Variants in ABCC4 observed in about 807,000 individuals in gnomAD.
The protein encoded by ABCC4 is ATP binding cassette subfamily C member 4 (PEL blood group).
A neutral mutation model predicts 168.5 loss-of-function variants in ABCC4; 102 were observed. That is an observed-to-expected ratio of 0.61 (90% CI 0.52 to 0.71). The LOEUF is 0.71. ABCC4 is among the 30% of genes least tolerant of loss of function. ABCC4 has a pLI of 0.00. For missense variants in ABCC4, 1,402 were observed against 1,605.8 expected, an observed-to-expected ratio of 0.87 and a Z score of 2.17; for synonymous variants, 617 against 590.7, an observed-to-expected ratio of 1.04 and a Z score of -0.65.
chr13:95,093,132 A>G (rs2034488301), intron 20 of ABCC4, among the ~76,000 whole-genome samples: 1 of 152,192 alleles, frequency 6.6e-6, no homozygotes, highest in African/African-American at 2.4e-5. Context: ...AATTGGTACC[A>G]ATCCTTTGGA....
chr13:95,147,481 C>T (rs1169200548), intron 19 of ABCC4, among the ~76,000 whole-genome samples: 4 of 152,062 alleles, frequency 2.6e-5, no homozygotes, highest in African/African-American at 9.7e-5. Context: ...AAAGATTGCC[C>T]AGAATTAACT....
At chr13:95,090,727 C>T (rs149198418) in intron 20 of ABCC4, among the ~76,000 whole-genome samples, 7 of 152,074 alleles carry the variant, frequency 4.6e-5, no homozygotes, top group African/African-American at 1.7e-4. Flanking sequence ...AGGCTCTTTA[C>T]CAGCCTCACA....
rs1050314332 is a variant in ABCC4, at chr13:95,243,648, A to C, written c.306+3327T>G. On this transcript the variant is annotated intron_variant, in intron 3 of 30. Transcript: ENST00000645237. ...ACACCTGTAATCCCATTAATTTGGGAGGGCGAGGTGGGCCGATGGCTTGAG... is the reference window on the plus strand; with the variant it reads ...ACACCTGTAATCCCATTAATTTGGGCGGGCGAGGTGGGCCGATGGCTTGAG... Among the ~76,000 whole-genome samples, 8 of 152,258 alleles carry C rather than the reference A, an allele frequency of 5.3e-5. No individual in the cohort carries two copies. The South Asian group carries it at 1.7e-3, about 32-fold the overall frequency.
intron 19 of ABCC4, among the ~76,000 whole-genome samples, chr13:95,154,504 C>A (rs528739649): frequency 6.6e-6 from 1 of 152,106 alleles, no homozygotes; most frequent in Admixed American, 6.5e-5. Flanking sequence ...GGAAACATAG[C>A]GAGTGATTTG....
chr13:95,050,082 G>A (rs1273755458), intron 27 of ABCC4, among the ~76,000 whole-genome samples: 1 of 152,226 alleles, frequency 6.6e-6, no homozygotes, highest in Non-Finnish European at 1.5e-5. Flanking sequence ...ACAGCAGAGA[G>A]ACAGAATGTG....
chr13:95,202,644 C>CTTTTT lies in ABCC4; in HGVS notation c.1161+3883_1161+3887dup, dbSNP rs10603210. On this transcript the variant is annotated intron_variant, in intron 8 of 30. Transcript: ENST00000645237. Reference sequence around the variant, plus strand: ...GTGCATGTGGGGATAAGAATGTGCACTTTTTTTTTTTTTTTTTTTTTTTGA... The same window carrying CTTTTT: ...GTGCATGTGGGGATAAGAATGTGCACTTTTTTTTTTTTTTTTTTTTTTTTTTTTGA... Among the ~76,000 whole-genome samples the CTTTTT allele has an allele frequency of 4.1e-3, 385 of 93,054 alleles. 19 individuals carry two copies. Among genetic ancestry groups the CTTTTT allele is most frequent in the Non-Finnish European group, 6.3e-3 (304 of 47,954 alleles). 61.0% of individuals were successfully genotyped at this position (93,054 alleles called of 152,430 possible). A position where few individuals can be genotyped will look rare whatever the true frequency, so the allele number is the denominator to read the frequency against.
intron 19 of ABCC4, among the ~76,000 whole-genome samples, chr13:95,136,491 G>A (rs2036149016): frequency 6.6e-6 from 1 of 152,186 alleles, no homozygotes; most frequent in East Asian, 1.9e-4. Context: ...GAAGCATCTG[G>A]GTAACTTTGG....
intron 19 of ABCC4, among the ~76,000 whole-genome samples, chr13:95,152,269 T>G (rs2036712558): frequency 6.6e-6 from 1 of 152,226 alleles, no homozygotes; most frequent in South Asian, 2.1e-4. Context: ...GAGTTAAATT[T>G]AATATAAGTA....
At chr13:95,211,489 C>T (rs2038955259) in intron 4 of ABCC4, among the ~76,000 whole-genome samples, 1 of 152,034 alleles carries the variant, frequency 6.6e-6, no homozygotes, top group Admixed American at 6.6e-5. Context: ...GCAGGGGAGG[C>T]CTAGCTAGGA....
At chr13:95,061,896 T>C (rs1734820713) in intron 26 of ABCC4, among the ~76,000 whole-genome samples, 1 of 152,152 alleles carries the variant, frequency 6.6e-6, no homozygotes, top group South Asian at 2.1e-4. Flanking sequence ...TTTCTGAATT[T>C]ATGTTAAATA....
chr13:95,194,314 GGCTGCCACCAAAGCAGCT>G (rs2038349356), intron 9 of ABCC4, among the ~76,000 whole-genome samples: 1 of 152,176 alleles, frequency 6.6e-6, no homozygotes, highest in Admixed American at 6.5e-5. Context: ...CTCGGCCTTG[GGCTGCCACCAAAGCAGCT>G]GGCAACATCC....
chr13:95,234,514 G>A, intron 4 of ABCC4, 96 bp downstream of exon 4: 4 of 1,003,608 alleles, frequency 4.0e-6, no homozygotes, highest in Non-Finnish European at 6.0e-6. Flanking sequence ...CTGGAGTGCA[G>A]TGGCTATTTA....
At chr13:95,261,547 G>T (rs2040532033) in intron 1 of ABCC4, among the ~76,000 whole-genome samples, 1 of 152,008 alleles carries the variant, frequency 6.6e-6, no homozygotes. Context: ...TAAATTCATT[G>T]TCATTAAAAC....
chr13:95,263,545 G>A (rs369810046), intron 1 of ABCC4, among the ~76,000 whole-genome samples: 7 of 152,230 alleles, frequency 4.6e-5, no homozygotes, highest in South Asian at 2.1e-4. Context: ...TGCCTAGGCC[G>A]GGCACAGTGG....
At chr13:95,224,615 T>C (rs912106498) in intron 4 of ABCC4, among the ~76,000 whole-genome samples, 1 of 152,014 alleles carries the variant, frequency 6.6e-6, no homozygotes, top group Non-Finnish European at 1.5e-5. Flanking sequence ...CACATGCCTA[T>C]AATCCCAGCT....
At chr13:95,175,071 G>A (rs1278943265) in intron 13 of ABCC4, among the ~76,000 whole-genome samples, 6 of 152,056 alleles carry the variant, frequency 3.9e-5, no homozygotes, top group African/African-American at 7.2e-5. Context: ...TTTTGCATAC[G>A]CACTCTGGTG....
At chr13:95,128,765 C>T (rs2035867159) in intron 19 of ABCC4, among the ~76,000 whole-genome samples, 1 of 152,154 alleles carries the variant, frequency 6.6e-6, no homozygotes, top group Non-Finnish European at 1.5e-5. Flanking sequence ...TTTTTGGTTC[C>T]CTGAACCTAC....
At chr13:95,061,470 T>C (rs1268913286) in intron 26 of ABCC4, among the ~76,000 whole-genome samples, 1 of 152,160 alleles carries the variant, frequency 6.6e-6, no homozygotes, top group Admixed American at 6.5e-5. Context: ...CGGTGGCACG[T>C]TCTCTATGCT....
intron 4 of ABCC4, among the ~76,000 whole-genome samples, chr13:95,224,937 C>T (rs1020008055): frequency 1.5e-4 from 23 of 151,800 alleles, no homozygotes; most frequent in African/African-American, 4.4e-4. Flanking sequence ...TATTGTATGG[C>T]GGTGAAGATG....
Sources: gnomAD v4.1 joint callset for allele counts (sites outside exome capture counted in the v4.1 genomes callset) on GRCh38, gnomAD v4.1.1 for gene constraint, MANE v1.5 for transcripts, NCBI Gene and HGNC (gene_info 2026-07-23, HGNC 2026-07-21) for gene names.